MAML3: variants seen among roughly 807,000 people sequenced by gnomAD.
The protein encoded by MAML3 is mastermind like transcriptional coactivator 3, also known as mastermind-like protein 3.
A neutral mutation model predicts 101.9 loss-of-function variants in MAML3; 27 were observed. The ratio of observed to expected loss-of-function variants is 0.27; its 90% confidence interval spans 0.20 to 0.37. MAML3 has a LOEUF of 0.37. MAML3 is among the 10% of genes least tolerant of loss of function. The pLI is 1.00. For synonymous variants in MAML3, 501 were observed against 555.9 expected (o/e 0.90, Z 1.39); for missense variants, 1,316 against 1,444.9 (o/e 0.91, Z 1.45).
chr4:139,971,593 G>A (rs573753820), intron 1 of MAML3, among the ~76,000 whole-genome samples: 1 of 152,260 alleles, frequency 6.6e-6, no homozygotes, highest in East Asian at 1.9e-4. Flanking sequence ...CTCTTAAGGA[G>A]TGATTTTTGC....
At position 139,749,891 on chromosome 4, in the gene MAML3, C is replaced by CG. The variant is rs960763889; in HGVS notation, c.2080-19225_2080-19224insC. Among the ~76,000 whole-genome samples the CG allele has an allele frequency of 1.9e-3, 253 of 132,146 alleles. 1 individual carries two copies. Among genetic ancestry groups the CG allele is most frequent in the African/African-American group, 6.6e-3 (220 of 33,252 alleles). The allele number at this position is 132,146 out of a possible 152,430, so 86.7% of individuals were successfully genotyped here. A position where few individuals can be genotyped will look rare whatever the true frequency, so the allele number is the denominator to read the frequency against. ...ATAGTGGAGATGAATAAGAACCCCC[C>CG]CCCACCCTATTCTGCCAAAAGTGGA... On this transcript the variant is annotated intron_variant, in intron 2 of 4. Transcript: ENST00000509479.
intron 2 of MAML3, among the ~76,000 whole-genome samples, chr4:139,878,124 C>A (rs1297728132): frequency 6.6e-6 from 1 of 152,218 alleles, no homozygotes; most frequent in African/African-American, 2.4e-5. Flanking sequence ...CACCGGAACC[C>A]TTCCCTCCAG....
intron 2 of MAML3, among the ~76,000 whole-genome samples, chr4:139,781,589 C>A (rs1200048108): frequency 6.6e-6 from 1 of 151,138 alleles, no homozygotes; most frequent in Non-Finnish European, 1.5e-5. Flanking sequence ...TGTTCTCCTG[C>A]ATTAGGCAGG....
chr4:140,064,753 C>T (rs1447642303), intron 1 of MAML3, among the ~76,000 whole-genome samples: 1 of 152,186 alleles, frequency 6.6e-6, no homozygotes, highest in Admixed American at 6.5e-5. Flanking sequence ...TCTCTGTCCA[C>T]CTATCAGCAA....
At chr4:139,850,629 A>T (rs972599591) in intron 2 of MAML3, among the ~76,000 whole-genome samples, 1 of 142,750 alleles carries the variant, frequency 7.0e-6, no homozygotes, top group African/African-American at 2.5e-5. Context: ...TGCTTTCCGG[A>T]CTTAAACGAC....
At chr4:139,726,049 C>G (rs2110973919) in intron 3 of MAML3, among the ~76,000 whole-genome samples, 1 of 152,344 alleles carries the variant, frequency 6.6e-6, no homozygotes, top group Middle Eastern at 3.4e-3. Flanking sequence ...GCCCCCACAT[C>G]AAGAAACAGA....
intron 2 of MAML3, among the ~76,000 whole-genome samples, chr4:139,782,319 T>C (rs996617070): frequency 1.3e-5 from 2 of 152,134 alleles, no homozygotes; most frequent in Non-Finnish European, 2.9e-5. Context: ...CTCACTACCA[T>C]GCCCAACTAG....
At chr4:139,922,095 T>C (rs1261530659) in intron 1 of MAML3, among the ~76,000 whole-genome samples, 2 of 152,102 alleles carry the variant, frequency 1.3e-5, no homozygotes, top group Non-Finnish European at 2.9e-5. Flanking sequence ...ATCCAGGAGC[T>C]AGGGAGAGCA....
At chr4:139,959,252 T>A (rs1275216150) in intron 1 of MAML3, among the ~76,000 whole-genome samples, 2 of 152,194 alleles carry the variant, frequency 1.3e-5, no homozygotes, top group African/African-American at 4.8e-5. Context: ...GTTCTTGACA[T>A]CTACCTGTAA....
chr4:139,818,680 C>G (rs995870277), intron 2 of MAML3, among the ~76,000 whole-genome samples: 10 of 152,188 alleles, frequency 6.6e-5, no homozygotes, highest in Non-Finnish European at 1.3e-4. Context: ...ACACTAGTGC[C>G]TGCTATGAGG....
At chr4:139,821,505 A>G (rs1023884308) in intron 2 of MAML3, among the ~76,000 whole-genome samples, 5 of 152,198 alleles carry the variant, frequency 3.3e-5, no homozygotes, top group Non-Finnish European at 7.3e-5. Context: ...GTCTGTGGAA[A>G]AATTGTCGTC....
At chr4:140,124,086 CTT>C (rs1728649147) in intron 1 of MAML3, among the ~76,000 whole-genome samples, 1 of 152,210 alleles carries the variant, frequency 6.6e-6, no homozygotes, top group African/African-American at 2.4e-5. Flanking sequence ...AGCTTTCTCT[CTT>C]CTCAGACTTC....
intron 1 of MAML3, among the ~76,000 whole-genome samples, chr4:140,069,399 GA>G (rs1727595952): frequency 1.9e-5 from 2 of 107,542 alleles, no homozygotes; most frequent in African/African-American, 3.8e-5. Context: ...GGAGGAGGAG[GA>G]GGAGGAGGAG....
rs540727604 is a variant in MAML3, at chr4:140,126,137, GTAA to G, written c.468+26720_468+26722del. Among the ~76,000 whole-genome samples, 233 of 132,074 alleles carry G rather than the reference GTAA, an allele frequency of 1.8e-3. 2 individuals carry two copies. The highest frequency in any genetic ancestry group is 6.1e-3 in the African/African-American group (222 of 36,306). The allele number at this position is 132,074 out of a possible 152,430, so 86.6% of individuals were successfully genotyped here. On this transcript the variant is annotated intron_variant, in intron 1 of 4. Coordinates refer to ENST00000509479, the MANE Select transcript of MAML3 (RefSeq NM_018717.5). Reference sequence around the variant, plus strand: ...ATTTAATGGACCCTCTTTTAAAAGAGTAATAATAATAATAAAGGACTGTAATAA... The same window carrying G: ...ATTTAATGGACCCTCTTTTAAAAGAGTAATAATAATAAAGGACTGTAATAA...
chr4:139,811,970 T>C (rs1730805412), intron 2 of MAML3, among the ~76,000 whole-genome samples: 1 of 152,146 alleles, frequency 6.6e-6, no homozygotes, highest in East Asian at 1.9e-4. Context: ...ATGTTAATAA[T>C]CTTAAAGAGG....
intron 1 of MAML3, among the ~76,000 whole-genome samples, chr4:139,997,923 T>C (rs1734848277): frequency 6.6e-6 from 1 of 152,154 alleles, no homozygotes; most frequent in Admixed American, 6.5e-5. Context: ...ATGCTCCCTA[T>C]ATGTGGTAAG....
At chr4:140,002,936 G>C (rs1439404319) in intron 1 of MAML3, among the ~76,000 whole-genome samples, 3 of 152,204 alleles carry the variant, frequency 2.0e-5, no homozygotes, top group African/African-American at 7.2e-5. Flanking sequence ...GGGTCTGTTG[G>C]AACCATGCCC....
At chr4:140,077,408 T>C (rs1212358821) in intron 1 of MAML3, among the ~76,000 whole-genome samples, 1 of 152,202 alleles carries the variant, frequency 6.6e-6, no homozygotes, top group Non-Finnish European at 1.5e-5. Context: ...AAGGCAGCCC[T>C]GAAGCATCAC....
chr4:139,948,101 A>AGAAT lies in MAML3; in HGVS notation c.469-57135_469-57134insATTC, dbSNP rs1553965592. Among the ~76,000 whole-genome samples, 14 of 143,182 alleles carry AGAAT rather than the reference A, an allele frequency of 9.8e-5. No individual in the cohort carries two copies. The East Asian group carries it at 2.9e-3, about 30-fold the overall frequency. The allele number at this position is 143,182 out of a possible 152,430, so 93.9% of individuals were successfully genotyped here. ...GGCAACAAGAGCGAGACTCCATCTC[A>AGAAT]AAATAAATAAATAAATAAATAAATA... is the stretch of plus-strand genomic sequence containing the variant. On this transcript the variant is annotated intron_variant, in intron 1 of 4. Coordinates refer to ENST00000509479, the MANE Select transcript of MAML3 (RefSeq NM_018717.5).
Sources: allele counts gnomAD v4.1 joint callset (sites outside exome capture counted in the v4.1 genomes callset), GRCh38; gene constraint gnomAD v4.1.1; transcripts MANE v1.5; gene names NCBI Gene and HGNC (gene_info 2026-07-23, HGNC 2026-07-21).